The following SELENBP1 variants were observed in gnomAD, a reference collection of about 807,000 sequenced individuals.
SELENBP1 encodes the protein methanethiol oxidase.
A neutral mutation model predicts 61.0 loss-of-function variants in SELENBP1; 71 were observed. The ratio of observed to expected loss-of-function variants is 1.16; its 90% CI spans 0.96 to 1.42. The LOEUF (loss-of-function observed/expected upper bound fraction) is 1.42, where lower values mean the gene tolerates loss of function less well. Ranked by LOEUF, SELENBP1 falls within the 40% of genes most tolerant of loss-of-function variation. SELENBP1 has a pLI of 0.00. For missense variants in SELENBP1, 561 were observed against 605.0 expected (o/e 0.93, Z 0.76); for synonymous variants, 270 against 238.9 (o/e 1.13, Z -1.20).
At chr1:151,372,594 G>T in intron 1 of SELENBP1, 44 bp downstream of exon 1, 1 of 1,613,690 alleles carries the variant, frequency 6.2e-7, no homozygotes, top group Non-Finnish European at 8.5e-7. Context: ...CAAATTAGGG[G>T]CAGACAGAGC....
chr1:151,367,337 C>G (rs1651883288), intron 5 of SELENBP1: 1 of 10,066 alleles, frequency 9.9e-5, no homozygotes, highest in Non-Finnish European at 2.1e-4. Context: ...GAACGAGACT[C>G]CCATCTCAAA....
chr1:151,368,887 G>T, intron 4 of SELENBP1, 117 bp downstream of exon 4: 1 of 1,099,734 alleles, frequency 9.1e-7, no homozygotes, highest in Non-Finnish European at 1.3e-6. Flanking sequence ...CTGCTGCCGA[G>T]CCAGTTGCCG....
intron 1 of SELENBP1, 106 bp downstream of exon 1, chr1:151,372,532 C>T (rs1008496066): frequency 7.0e-7 from 1 of 1,427,302 alleles, no homozygotes; most frequent in Non-Finnish European, 9.9e-7. Context: ...TCCACTACTC[C>T]CTCCCCAGCT....
In SELENBP1 at chr1:151,365,673, C is replaced by T. The variant is rs181909137; in HGVS notation, c.934G>A (p.Asp312Asn). Residue 312 changes from aspartate to asparagine, a missense_variant, in exon 9 of 12, where the codon GAC (aspartate) becomes AAC (asparagine). Asp to Asn is a conservative substitution (Grantham distance 23). Coordinates refer to ENST00000368868, the MANE Select transcript of SELENBP1 (RefSeq NM_003944.4). The part of the protein sequence containing the change: ...LLPEMPGLIT[D>N]ILLSLDDRFL... ...CGGTCGTCCAGGGAGAGCAGGATGTCGGTGATCAGGCCTGTGGGCAGGGGG... is the reference window on the plus strand; with the variant it reads ...CGGTCGTCCAGGGAGAGCAGGATGTTGGTGATCAGGCCTGTGGGCAGGGGG... The T allele has an allele frequency of 2.3e-5, 37 of 1,614,156 alleles. No individual in the cohort carries two copies. The East Asian group carries it at 2.7e-4, about 12-fold the overall frequency.
Position 151,365,842 on chromosome 1 carries a change from C to A in SELENBP1, c.848G>T (p.Gly283Val), listed in dbSNP as rs774532961. The A allele has an allele frequency of 6.2e-7, 1 of 1,614,096 alleles. No homozygotes were observed. The highest frequency in any genetic ancestry group is 1.1e-5 in the South Asian group (1 of 91,070). The change falls in exon 8 of 12, where the codon GGT (glycine) becomes GTT (valine). Residue 283 changes from glycine (G) to valine (V), a missense_variant. Gly to Val is a moderately radical substitution (Grantham distance 109, BLOSUM62 -3). Transcript: ENST00000368868. ...TIQRFYKNEG[G>V]TWSVEKVIQV... ...GATCACCTTCTCCACTGACCATGTA[C>A]CTCCCTACATTGAGGGGTGGAGGGT...
intron 6 of SELENBP1, 39 bp downstream of exon 6, chr1:151,366,683 A>G (rs1385964421): frequency 2.5e-6 from 4 of 1,601,288 alleles, no homozygotes; most frequent in Non-Finnish European, 1.7e-6. Context: ...AAGGGGATGT[A>G]GGCCCAAGGC....
chr1:151,365,555 G>A lies in SELENBP1; in HGVS notation c.1044+8C>T. ...CTTCCCTTCTGCTCCTCCTGCCAGG[G>A]TCTCCACCTGTCCTGTGAGGCGGGG... On this transcript the variant is annotated splice_region_variant and intron_variant, in intron 9 of 11. Coordinates refer to ENST00000368868, the MANE Select transcript of SELENBP1 (RefSeq NM_003944.4). 3 of 1,613,876 alleles carry A rather than the reference G, an allele frequency of 1.9e-6. No homozygotes were observed. The highest frequency in any genetic ancestry group is 8.5e-7 in the Non-Finnish European group (1 of 1,179,964).
At chr1:151,368,352 A>G (rs1362986435) in intron 4 of SELENBP1, 33 bp from the exon 5 acceptor site, 1 of 1,611,362 alleles carries the variant, frequency 6.2e-7, no homozygotes, top group African/African-American at 1.3e-5. Context: ...TCAGAATCAT[A>G]CAGGACTGGG....
rs367673024 is a variant in SELENBP1, at chr1:151,364,458, C to T, written c.*85G>A. On this transcript the variant is annotated 3_prime_UTR_variant, in exon 12 of 12. Transcript: ENST00000368868. The stretch of plus-strand genomic sequence containing the variant: ...CTGTGTGGTACATGCTGCCAAGGGT[C>T]GGGTGCCAAGAGAGAGCAGAATGAA... The T allele has an allele frequency of 1.5e-4, 235 of 1,534,966 alleles. No individual in the cohort carries two copies. The South Asian group carries it at 2.6e-3, about 17-fold the overall frequency.
chr1:151,370,073 T>G, intron 1 of SELENBP1: 1 of 1,275,912 alleles, frequency 7.8e-7, no homozygotes, highest in Non-Finnish European at 1.0e-6. Context: ...TGACACGGAC[T>G]CGGGGCCCAA....
At chr1:151,368,956 T>C in intron 4 of SELENBP1, 48 bp downstream of exon 4, 3 of 1,549,414 alleles carry the variant, frequency 1.9e-6, no homozygotes, top group Non-Finnish European at 2.6e-6. Flanking sequence ...CTACCTGGGG[T>C]GGCAGGTGTC....
At chr1:151,371,411 T>G (rs1459332641) in intron 1 of SELENBP1, among the ~76,000 whole-genome samples, 1 of 129,112 alleles carries the variant, frequency 7.7e-6, no homozygotes, top group Non-Finnish European at 1.7e-5. Flanking sequence ...AAATTCTGAC[T>G]AAAAAAAAAA....
Position 151,367,355 on chromosome 1 carries a change from A to AAAAAAGAGAAAAGAAAAAAGAAAAG in SELENBP1, c.482-452_482-451insCTTTTCTTTTTTCTTTTCTCTTTTT, listed in dbSNP as rs1651891929. The AAAAAAGAGAAAAGAAAAAAGAAAAG allele has an allele frequency of 4.1e-5, 2 of 49,264 alleles. 1 individual carries two copies. The highest frequency in any genetic ancestry group is 1.6e-4 in the African/African-American group (2 of 12,404). The allele number at this position is 49,264 out of a possible 1,614,324, so 3.1% of individuals were successfully genotyped here. ...CGAGACTCCCATCTCAAAAAAAAAA[A>AAAAAAGAGAAAAGAAAAAAGAAAAG]AAAAAGAGAAAAGAAAAAGAAAAAA... On this transcript the variant is annotated intron_variant, in intron 5 of 11. Coordinates refer to ENST00000368868, the MANE Select transcript of SELENBP1 (RefSeq NM_003944.4).
chr1:151,367,871 T>C (rs1449202595), intron 5 of SELENBP1, among the ~76,000 whole-genome samples: 2 of 152,204 alleles, frequency 1.3e-5, no homozygotes, highest in African/African-American at 4.8e-5. Context: ...TTCACCATGT[T>C]GGCCAGGCTG....
intron 7 of SELENBP1, 125 bp from the exon 8 acceptor site, chr1:151,365,971 C>G (rs950180710): frequency 2.0e-6 from 2 of 1,019,806 alleles, no homozygotes; most frequent in African/African-American, 1.6e-5. Flanking sequence ...GGCCTTCTTG[C>G]CAGCAGGATC....
In SELENBP1 at chr1:151,372,687, T is replaced by C; in HGVS notation, c.-46A>G. On this transcript the variant is annotated 5_prime_UTR_variant, in exon 1 of 12. Coordinates refer to ENST00000368868, the MANE Select transcript of SELENBP1 (RefSeq NM_003944.4). Reference sequence around the variant, plus strand: ...GATCCCGGCGGGTTTGCTGTGCTGGTGTCAGAGGCCGCTGTTCCGGGGAAG... The same window carrying C: ...GATCCCGGCGGGTTTGCTGTGCTGGCGTCAGAGGCCGCTGTTCCGGGGAAG... The C allele has an allele frequency of 6.2e-7, 1 of 1,613,646 alleles. No homozygotes were observed. Among genetic ancestry groups the C allele is most frequent in the Non-Finnish European group, 8.5e-7 (1 of 1,179,836 alleles).
chr1:151,372,651 TG>T lies in SELENBP1; in HGVS notation c.-11del, dbSNP rs748404134. 1 of 1,614,106 alleles carries T rather than the reference TG, an allele frequency of 6.2e-7. No individual in the cohort carries two copies. The highest frequency in any genetic ancestry group is 8.5e-7 in the Non-Finnish European group (1 of 1,180,002). ...CCCTCTCCTTACCCATGCTGCCGAC[TG>T]GTACACTTTGATCCCGGCGGGTTTG... On this transcript the variant is annotated 5_prime_UTR_variant, in exon 1 of 12. Transcript: ENST00000368868.
chr1:151,372,579 C>A (rs1652189969), intron 1 of SELENBP1, 59 bp downstream of exon 1: 1 of 1,611,176 alleles, frequency 6.2e-7, no homozygotes, highest in African/African-American at 1.3e-5. Flanking sequence ...TGGAGGAGGG[C>A]CTTCCAAATT....
At chr1:151,364,885 G>A in intron 11 of SELENBP1, 41 bp downstream of exon 11, 1 of 1,595,990 alleles carries the variant, frequency 6.3e-7, no homozygotes, top group Non-Finnish European at 8.6e-7. Flanking sequence ...CCCTCTGGAA[G>A]AGGAGGGCTG....
Sources: gnomAD v4.1 joint callset for allele counts (sites outside exome capture counted in the v4.1 genomes callset) on GRCh38, gnomAD v4.1.1 for gene constraint, MANE v1.5 for transcripts, NCBI Gene and HGNC (gene_info 2026-07-23, HGNC 2026-07-21) for gene names.